SV2B: variants seen among roughly 807,000 people sequenced by gnomAD.
The protein encoded by SV2B is synaptic vesicle glycoprotein 2B.
In SV2B, 41 loss-of-function variants were observed where a neutral mutation model predicts 73.9. That is an observed-to-expected ratio of 0.56 (90% confidence interval 0.43 to 0.72). SV2B has a LOEUF of 0.72. Ranked by LOEUF, SV2B falls within the 30% of genes least tolerant of loss-of-function variation. The pLI, the probability that SV2B is intolerant of heterozygous loss-of-function variation, is 0.00. For missense variants in SV2B, 764 were observed against 857.8 expected (o/e 0.89, Z 1.37); for synonymous variants, 314 against 314.2 (o/e 1.00, Z 0.01).
chr15:91,285,881 G>A (rs371118570), intron 11 of SV2B, among the ~76,000 whole-genome samples: 2 of 152,276 alleles, frequency 1.3e-5, no homozygotes, highest in Admixed American at 6.5e-5. Context: ...AGTGGGGTGG[G>A]GGTGTGGCTG....
rs2042384614 is a variant in SV2B at position 91,123,141 on chromosome 15, G to A, written c.-392+22778G>A. ...GTACAAAAATTAGCTAAGCATGGTG[G>A]TGTGCGCTTGTAGTCTCAGCTACCT... On this transcript the variant is annotated intron_variant, in intron 1 of 12. Transcript: ENST00000394232. This position sits in a 1 kb window ranked among gnomAD's most constrained non-coding sequence, Gnocchi z 4.7. Among the ~76,000 whole-genome samples the A allele has an allele frequency of 2.0e-5, 3 of 151,942 alleles. No individual in the cohort carries two copies. The South Asian group carries it at 6.2e-4, about 32-fold the overall frequency.
chr15:91,260,234 T>G, intron 5 of SV2B, 86 bp from the exon 6 acceptor site: 3 of 1,176,016 alleles, frequency 2.6e-6, no homozygotes, highest in Non-Finnish European at 3.6e-6. Context: ...AACATTCCCA[T>G]TGAGTTTGTA....
intron 1 of SV2B, among the ~76,000 whole-genome samples, chr15:91,180,109 A>G (rs1274264521): frequency 6.6e-6 from 1 of 151,730 alleles, no homozygotes; most frequent in African/African-American, 2.4e-5. Flanking sequence ...ATCTCTCAGC[A>G]TTTGCTTGTT....
chr15:91,185,069 T>C (rs562333953), intron 1 of SV2B, among the ~76,000 whole-genome samples: 47 of 152,348 alleles, frequency 3.1e-4, no homozygotes, highest in African/African-American at 1.1e-3. Context: ...TGAATATCAG[T>C]TAAAGGACTT....
In SV2B at chr15:91,300,105, T is replaced by G. The variant is rs2049393485; in HGVS notation, c.*7553T>G. On this transcript the variant is annotated 3_prime_UTR_variant, in exon 13 of 13. Coordinates refer to ENST00000394232, the MANE Select transcript of SV2B (RefSeq NM_001323032.3). ...GTTTTGATTCAGGTTACATAAGGGATAAAATATAGAAAGACATTTTAAAGT... is the reference window on the plus strand; with the variant it reads ...GTTTTGATTCAGGTTACATAAGGGAGAAAATATAGAAAGACATTTTAAAGT... The G allele has an allele frequency of 6.6e-6, 1 of 152,264 alleles. No individual in the cohort carries two copies. Among genetic ancestry groups the G allele is most frequent in the African/African-American group, 2.4e-5 (1 of 41,476 alleles). The allele number at this position is 152,264 out of a possible 1,614,324, so 9.4% of individuals were successfully genotyped here. A position where few individuals can be genotyped will look rare whatever the true frequency, so the allele number is the denominator to read the frequency against.
At chr15:91,176,919 G>T (rs1243098782) in intron 1 of SV2B, among the ~76,000 whole-genome samples, 4 of 152,208 alleles carry the variant, frequency 2.6e-5, no homozygotes, top group East Asian at 1.9e-4. Context: ...GTCGATTTTG[G>T]CTTTTGTTGC....
chr15:91,158,723 C>CCTCTT (rs1555473897), intron 1 of SV2B, among the ~76,000 whole-genome samples: 4,193 of 57,266 alleles, frequency 0.073, 1,080 homozygotes, highest in African/African-American at 0.2. Flanking sequence ...CCTCTCCTCT[C>CCTCTT]CTCTCTTCTC....
chr15:91,204,349 A>G (rs954663340), intron 1 of SV2B, among the ~76,000 whole-genome samples: 1 of 152,244 alleles, frequency 6.6e-6, no homozygotes, highest in South Asian at 2.1e-4. Context: ...TCAATAGCCA[A>G]CTGCGGCTAG....
intron 6 of SV2B, among the ~76,000 whole-genome samples, chr15:91,263,306 G>A (rs111208026): frequency 1.5e-3 from 207 of 142,426 alleles, no homozygotes; most frequent in African/African-American, 5.5e-3. Flanking sequence ...ACAGACACAG[G>A]AACACACGGA....
chr15:91,169,144 T>TTTC (rs1473300963), intron 1 of SV2B, among the ~76,000 whole-genome samples: 4 of 152,162 alleles, frequency 2.6e-5, no homozygotes, highest in African/African-American at 9.7e-5. Flanking sequence ...TCTCATTCTG[T>TTTC]TTCTCCTCCT....
At chr15:91,114,956 G>A (rs2042137298) in intron 1 of SV2B, among the ~76,000 whole-genome samples, 1 of 152,156 alleles carries the variant, frequency 6.6e-6, no homozygotes, top group African/African-American at 2.4e-5. Context: ...AGTTCGTGAT[G>A]CACAATCTAG....
chr15:91,220,332 A>C lies in SV2B; in HGVS notation c.-391-5541A>C, dbSNP rs2046172089. On this transcript the variant is annotated intron_variant, in intron 1 of 12. Coordinates refer to ENST00000394232, the MANE Select transcript of SV2B (RefSeq NM_001323032.3). The surrounding 1 kb of genome is among the most constrained non-coding windows in gnomAD (Gnocchi z 4.1). ...GTAGTGATATCTTACTGTGGGGTCA[A>C]GCAGGTTTTTGTTCAGGTCTTCTCA... 6.6e-6 allele frequency among the ~76,000 whole-genome samples: 1 copy of C among 152,196 alleles called. No individual in the cohort carries two copies. The highest frequency in any genetic ancestry group is 6.5e-5 in the Admixed American group (1 of 15,278).
rs796887696 is a variant in SV2B, at chr15:91,133,390, C to CT, written c.-392+33037dup. ...GTGTGGGAACTTTTTCTTCCTTTTC[C>CT]TTTTTTTTTTGTTTTTGTTTTTTGG... On this transcript the variant is annotated intron_variant, in intron 1 of 12. Transcript: ENST00000394232. Among the ~76,000 whole-genome samples, 202 of 148,262 alleles carry CT rather than the reference C, an allele frequency of 1.4e-3. 4 individuals are homozygous for CT. The South Asian group carries it at 0.025, about 19-fold the overall frequency.
At position 91,197,241 on chromosome 15, in the gene SV2B, G is replaced by C. The variant is rs555863370; in HGVS notation, c.-391-28632G>C. Among the ~76,000 whole-genome samples, 35 of 151,560 alleles carry C rather than the reference G, an allele frequency of 2.3e-4. 1 individual carries two copies. The South Asian group carries it at 6.9e-3, about 30-fold the overall frequency. On this transcript the variant is annotated intron_variant, in intron 1 of 12. Transcript: ENST00000394232. The surrounding 1 kb of genome is among the most constrained non-coding windows in gnomAD (Gnocchi z 4.9). The stretch of plus-strand genomic sequence containing the variant: ...TTTTTGTTTTGTTTTGTTTTGTTTT[G>C]TTTTGAGACAGAGTTTCATTCTCGT...
chr15:91,180,365 ATG>A (rs1227465115), intron 1 of SV2B, among the ~76,000 whole-genome samples: 1 of 151,584 alleles, frequency 6.6e-6, no homozygotes, highest in Non-Finnish European at 1.5e-5. Flanking sequence ...TCTGACAATT[ATG>A]TGTCTTGGAG....
chr15:91,293,231 G>T lies in SV2B; in HGVS notation c.*679G>T, dbSNP rs2049108361. The T allele has an allele frequency of 1.3e-5, 2 of 152,210 alleles. No homozygotes were observed. Among genetic ancestry groups the T allele is most frequent in the Admixed American group, 6.5e-5 (1 of 15,274 alleles). The allele number at this position is 152,210 out of a possible 1,614,324, so 9.4% of individuals were successfully genotyped here. A position where few individuals can be genotyped will look rare whatever the true frequency, so the allele number is the denominator to read the frequency against. ...TGCTCTATTCAAAGAAACGGAATGG[G>T]ATAGTTATTCTGTAAACTAAGTTTG... On this transcript the variant is annotated 3_prime_UTR_variant, in exon 13 of 13. Coordinates refer to ENST00000394232, the MANE Select transcript of SV2B (RefSeq NM_001323032.3).
intron 1 of SV2B, among the ~76,000 whole-genome samples, chr15:91,102,689 T>C (rs995373471): frequency 2.0e-5 from 3 of 152,210 alleles, no homozygotes; most frequent in Admixed American, 6.5e-5. Flanking sequence ...GACACTGTAA[T>C]GGAGAAAAAT....
chr15:91,209,044 G>A (rs975922089), intron 1 of SV2B, among the ~76,000 whole-genome samples: 13 of 151,538 alleles, frequency 8.6e-5, no homozygotes, highest in African/African-American at 3.2e-4. Context: ...GTCAGAGATA[G>A]ACTCTGTCCT....
chr15:91,247,698 A>C (rs985191947), intron 2 of SV2B, among the ~76,000 whole-genome samples: 2 of 152,172 alleles, frequency 1.3e-5, no homozygotes, highest in Non-Finnish European at 2.9e-5. Flanking sequence ...TGCTGCAGTC[A>C]GGCTGAAACC....
Sources: gnomAD v4.1 joint callset for allele counts (sites outside exome capture counted in the v4.1 genomes callset) on GRCh38, gnomAD v4.1.1 for gene constraint, Gnocchi (gnomAD v3.1) non-coding constraint, MANE v1.5 for transcripts, NCBI Gene and HGNC (gene_info 2026-07-23, HGNC 2026-07-21) for gene names.